The following UST variants were observed in gnomAD, a reference collection of about 807,000 sequenced individuals.
The protein encoded by UST is uronyl 2-sulfotransferase.
A neutral mutation model predicts 45.6 loss-of-function variants in UST; 21 were observed. The observed-to-expected ratio is 0.46, with a 90% CI of 0.33 to 0.66. The LOEUF (loss-of-function observed/expected upper bound fraction) is 0.66. Among genes scored for constraint, UST ranks in the 30% least tolerant of loss-of-function variants. The pLI is 0.02. For synonymous variants in UST, 215 were observed against 200.6 expected (o/e 1.07, Z -0.61); for missense variants, 463 against 512.4 (o/e 0.90, Z 0.93).
rs117247672 is a variant in UST at position 148,854,103 on chromosome 6, C to T, written c.248-32883C>T. Among the ~76,000 whole-genome samples, 323 of 152,258 alleles carry T rather than the reference C, an allele frequency of 2.1e-3. 1 individual carries two copies. Among genetic ancestry groups the T allele is most frequent in the Non-Finnish European group, 3.1e-3 (210 of 68,014 alleles). On this transcript the variant is annotated intron_variant, in intron 1 of 7. Transcript: ENST00000367463. The stretch of plus-strand genomic sequence containing the variant: ...AGGTTTTTTTAAATAAAAAAGCAAG[C>T]CTGTGGGTCTTCAGAATAAAATCAC...
intron 5 of UST, among the ~76,000 whole-genome samples, chr6:148,978,034 G>A (rs1003334260): frequency 6.6e-6 from 1 of 152,028 alleles, no homozygotes; most frequent in African/African-American, 2.4e-5. Context: ...GTTTGTTGTT[G>A]TTGTAATTTT....
intron 2 of UST, among the ~76,000 whole-genome samples, chr6:148,899,427 G>T (rs775016741): frequency 6.6e-6 from 1 of 152,054 alleles, no homozygotes; most frequent in Non-Finnish European, 1.5e-5. Flanking sequence ...TTTTTTATTA[G>T]ATTGTATGAT....
chr6:149,000,610 C>T (rs2486396), intron 5 of UST, among the ~76,000 whole-genome samples: 140,070 of 152,182 alleles, frequency 0.92, 64,842 homozygotes, highest in Non-Finnish European at 0.95. Context: ...AAATCTAGTA[C>T]TGGAATATGA....
chr6:148,944,436 T>C (rs1049819559), intron 3 of UST, among the ~76,000 whole-genome samples: 20 of 151,408 alleles, frequency 1.3e-4, no homozygotes, highest in African/African-American at 4.4e-4. Context: ...ATTTCATTCA[T>C]ACAAAAAGGC....
At chr6:148,941,727 A>G in intron 3 of UST, among the ~76,000 whole-genome samples, 1 of 152,220 alleles carries the variant, frequency 6.6e-6, no homozygotes, top group East Asian at 1.9e-4. Flanking sequence ...TCAAAGAGTC[A>G]TACCACCGAG....
At position 148,932,754 on chromosome 6, in the gene UST, A is replaced by G. The variant is rs2114912506; in HGVS notation, c.292-8525A>G. 2.0e-5 allele frequency among the ~76,000 whole-genome samples: 3 copies of G among 152,340 alleles called. No individual in the cohort carries two copies. In the Middle Eastern group the frequency reaches 0.01, roughly 518 times the overall value. ...CTTCTTTGTATGAAAATTCTGGTAC[A>G]GCATGCAGGCTATTGTGTTCTGGGA... is the stretch of plus-strand genomic sequence containing the variant. On this transcript the variant is annotated intron_variant, in intron 2 of 7. Transcript: ENST00000367463.
chr6:149,047,297 T>C lies in UST; in HGVS notation c.937+25816T>C, dbSNP rs369760854. 2.0e-5 allele frequency among the ~76,000 whole-genome samples: 3 copies of C among 152,356 alleles called. 1 individual carries two copies. Among genetic ancestry groups the C allele is most frequent in the Admixed American group, 2.0e-4 (3 of 15,302 alleles). Reference sequence around the variant, plus strand: ...GACATAGTTTGCTAGTAGTTGCTAATGTCAAAATAACATTGAGTTTTTAGG... The same window carrying C: ...GACATAGTTTGCTAGTAGTTGCTAACGTCAAAATAACATTGAGTTTTTAGG... On this transcript the variant is annotated intron_variant, in intron 7 of 7. Transcript: ENST00000367463.
chr6:148,985,932 G>A (rs1781230848), intron 5 of UST, among the ~76,000 whole-genome samples: 1 of 152,216 alleles, frequency 6.6e-6, no homozygotes, highest in Non-Finnish European at 1.5e-5. Flanking sequence ...AAGGGAAAAG[G>A]AGGCAGGAAG....
chr6:148,885,267 G>A (rs920228500), intron 1 of UST, among the ~76,000 whole-genome samples: 5 of 152,102 alleles, frequency 3.3e-5, no homozygotes, highest in Admixed American at 1.3e-4. Flanking sequence ...GATTTCTCAC[G>A]CTTCCCCTGG....
chr6:148,888,956 C>T (rs1388881930), intron 2 of UST, among the ~76,000 whole-genome samples: 1 of 152,224 alleles, frequency 6.6e-6, no homozygotes, highest in African/African-American at 2.4e-5. Flanking sequence ...CACAGAGGCA[C>T]ATCATGACTA....
At chr6:148,820,707 G>T (rs1236209434) in intron 1 of UST, among the ~76,000 whole-genome samples, 3 of 151,612 alleles carry the variant, frequency 2.0e-5, no homozygotes, top group Non-Finnish European at 4.4e-5. Context: ...AAAAAAATTA[G>T]CCAGGTGTGG....
At chr6:148,889,112 C>T (rs1252378175) in intron 2 of UST, among the ~76,000 whole-genome samples, 1 of 152,226 alleles carries the variant, frequency 6.6e-6, no homozygotes, top group Non-Finnish European at 1.5e-5. Context: ...TATTAAAACA[C>T]AGATTGCTGG....
At position 148,747,371 on chromosome 6, in the gene UST, G is replaced by T. The variant is rs751026070; in HGVS notation, c.-60G>T. 7.4e-7 allele frequency: 1 copy of T among 1,356,758 alleles called. No homozygotes were observed. Among genetic ancestry groups the T allele is most frequent in the African/African-American group, 1.5e-5 (1 of 65,152 alleles). The allele number at this position is 1,356,758 out of a possible 1,614,324, so 84.0% of individuals were successfully genotyped here. On this transcript the variant is annotated 5_prime_UTR_variant, in exon 1 of 8. Coordinates refer to ENST00000367463, the MANE Select transcript of UST (RefSeq NM_005715.3). ...GCCGGCCAGCCGGGCTCTCCTCCTCGCGGCGGATGGGTGACCTTTTCCTGG... is the reference window on the plus strand; with the variant it reads ...GCCGGCCAGCCGGGCTCTCCTCCTCTCGGCGGATGGGTGACCTTTTCCTGG...
chr6:148,770,478 C>A (rs1033267494), intron 1 of UST, among the ~76,000 whole-genome samples: 1 of 151,784 alleles, frequency 6.6e-6, no homozygotes, highest in Non-Finnish European at 1.5e-5. Flanking sequence ...AGGTAGGCGC[C>A]TACAGTAAAA....
chr6:148,891,433 T>C (rs1430924816), intron 2 of UST, among the ~76,000 whole-genome samples: 1 of 152,260 alleles, frequency 6.6e-6, no homozygotes. Flanking sequence ...TTTTTTCCTG[T>C]GTGCCACACA....
At chr6:149,050,172 T>A (rs1297160913) in intron 7 of UST, among the ~76,000 whole-genome samples, 1 of 152,222 alleles carries the variant, frequency 6.6e-6, no homozygotes, top group African/African-American at 2.4e-5. Flanking sequence ...TACAAGAAGG[T>A]AGCTCATAGA....
chr6:148,989,209 G>C (rs1001278852), intron 5 of UST, among the ~76,000 whole-genome samples: 10 of 95,406 alleles, frequency 1.0e-4, no homozygotes, highest in Admixed American at 3.0e-4. Flanking sequence ...TTCAGTAAAG[G>C]CCCCCCCCCA....
intron 5 of UST, among the ~76,000 whole-genome samples, chr6:148,973,668 C>T (rs1780963817): frequency 6.6e-6 from 1 of 152,122 alleles, no homozygotes; most frequent in Non-Finnish European, 1.5e-5. Flanking sequence ...GTTGGCATGC[C>T]TCTATAGTTG....
intron 7 of UST, among the ~76,000 whole-genome samples, chr6:149,057,656 C>G (rs1441249678): frequency 6.6e-6 from 1 of 152,102 alleles, no homozygotes; most frequent in Non-Finnish European, 1.5e-5. Flanking sequence ...GGTTATATGA[C>G]CTTTAAGGCA....
Sources: allele counts gnomAD v4.1 joint callset (sites outside exome capture counted in the v4.1 genomes callset), GRCh38; gene constraint gnomAD v4.1.1; transcripts MANE v1.5; gene names NCBI Gene and HGNC (gene_info 2026-07-23, HGNC 2026-07-21).